The following GPC5 variants were observed in gnomAD, a reference collection of about 807,000 sequenced individuals.
GPC5 encodes glypican-5.
Under a neutral mutation model 53.9 loss-of-function variants are expected in GPC5, and 47 were observed. The observed-to-expected ratio is 0.87, with a 90% CI of 0.69 to 1.11. GPC5 has a LOEUF of 1.11. Among genes scored for constraint, GPC5 ranks in the 50% most tolerant of loss-of-function variants. The pLI is 0.00. For synonymous variants in GPC5, 286 were observed against 263.3 expected (o/e 1.09, Z -0.84); for missense variants, 748 against 713.1 (o/e 1.05, Z -0.56).
chr13:92,523,904 G>A (rs1282205453), intron 7 of GPC5, among the ~76,000 whole-genome samples: 2 of 152,014 alleles, frequency 1.3e-5, no homozygotes, highest in Admixed American at 6.6e-5. Flanking sequence ...CTAATAAAAT[G>A]TGTATGTATC....
intron 7 of GPC5, among the ~76,000 whole-genome samples, chr13:92,204,366 C>T (rs2042317157): frequency 6.6e-6 from 1 of 152,124 alleles, no homozygotes; most frequent in East Asian, 1.9e-4. Context: ...CTTTCTAAGA[C>T]CCTTGCAATG....
intron 5 of GPC5, among the ~76,000 whole-genome samples, chr13:91,795,083 T>C (rs1480647000): frequency 2.0e-5 from 3 of 152,314 alleles, no homozygotes; most frequent in Admixed American, 6.5e-5. Flanking sequence ...TCTGCTAAGA[T>C]TAAATTAAAA....
At chr13:91,473,208 C>T (rs1302099453) in intron 2 of GPC5, among the ~76,000 whole-genome samples, 2 of 152,108 alleles carry the variant, frequency 1.3e-5, no homozygotes, top group Non-Finnish European at 2.9e-5. Context: ...GATCCTATCA[C>T]ATCCCTCCCT....
intron 7 of GPC5, among the ~76,000 whole-genome samples, chr13:92,517,700 C>A (rs1235714159): frequency 6.6e-6 from 1 of 152,062 alleles, no homozygotes; most frequent in East Asian, 1.9e-4. Context: ...CATCAAAGAC[C>A]AAAGGTAGAT....
At chr13:91,887,321 G>T (rs960934925) in intron 5 of GPC5, among the ~76,000 whole-genome samples, 2 of 152,138 alleles carry the variant, frequency 1.3e-5, no homozygotes, top group African/African-American at 4.8e-5. Context: ...ACACAGCAGG[G>T]GCACCTGCAC....
intron 6 of GPC5, among the ~76,000 whole-genome samples, chr13:91,961,614 T>C (rs72633752): frequency 0.027 from 4,178 of 152,136 alleles, 145 homozygotes; most frequent in African/African-American, 0.083. Flanking sequence ...TTATTCATAA[T>C]AACACAGCAG....
At chr13:91,568,254 G>A (rs537941617) in intron 2 of GPC5, among the ~76,000 whole-genome samples, 12 of 152,228 alleles carry the variant, frequency 7.9e-5, no homozygotes, top group African/African-American at 2.9e-4. Context: ...TCTATGACTG[G>A]CAGCATTGTC....
intron 2 of GPC5, among the ~76,000 whole-genome samples, chr13:91,529,687 C>T (rs1476463965): frequency 6.6e-6 from 1 of 152,108 alleles, no homozygotes; most frequent in African/African-American, 2.4e-5. Context: ...GTAGTTTTCC[C>T]TTATGTTAAA....
intron 7 of GPC5, among the ~76,000 whole-genome samples, chr13:92,223,042 T>A (rs1211851573): frequency 6.6e-6 from 1 of 152,176 alleles, no homozygotes; most frequent in Non-Finnish European, 1.5e-5. Context: ...GAATATAATT[T>A]TATTTCATCC....
chr13:92,395,281 C>T lies in GPC5; in HGVS notation c.1561+250292C>T, dbSNP rs561712689. On this transcript the variant is annotated intron_variant, in intron 7 of 7. Coordinates refer to ENST00000377067, the MANE Select transcript of GPC5 (RefSeq NM_004466.6). ...TTATAAATTTTTAAAATTATTTTTA[C>T]GGTTGTCCTAGACTTTCCGATATAA... Among the ~76,000 whole-genome samples the T allele has an allele frequency of 5.0e-4, 76 of 152,142 alleles. 1 individual carries two copies. Among genetic ancestry groups the T allele is most frequent in the Admixed American group, 1.0e-3 (16 of 15,280 alleles).
At chr13:91,401,929 G>A (rs1017800320) in intron 1 of GPC5, among the ~76,000 whole-genome samples, 1 of 148,482 alleles carries the variant, frequency 6.7e-6, no homozygotes, top group Non-Finnish European at 1.5e-5. Flanking sequence ...CCTGTGTTCC[G>A]ATTTTATTTT....
At chr13:92,738,821 C>T (rs983452948) in intron 7 of GPC5, among the ~76,000 whole-genome samples, 3 of 152,180 alleles carry the variant, frequency 2.0e-5, no homozygotes, top group Non-Finnish European at 2.9e-5. Context: ...GGAAGCCATA[C>T]GTTGCATATC....
chr13:91,556,760 G>A (rs2030979297), intron 2 of GPC5, among the ~76,000 whole-genome samples: 1 of 151,974 alleles, frequency 6.6e-6, no homozygotes, highest in Non-Finnish European at 1.5e-5. Flanking sequence ...ATAAGTGGGA[G>A]CTAAGCTATG....
In GPC5 at chr13:91,715,770, G is replaced by GTCTCTCTC. The variant is rs55859912; in HGVS notation, c.1021-12738_1021-12731dup. On this transcript the variant is annotated intron_variant, in intron 3 of 7. Transcript: ENST00000377067. ...TTGTTTTTTTTTTTTTTAAGATAGGGTCTCTCTCTCTCTCTCTCTCTCTCT... is the reference window on the plus strand; with the variant it reads ...TTGTTTTTTTTTTTTTTAAGATAGGGTCTCTCTCTCTCTCTCTCTCTCTCTCTCTCTCT... Among the ~76,000 whole-genome samples, 581 of 132,826 alleles carry GTCTCTCTC rather than the reference G, an allele frequency of 4.4e-3. 6 individuals are homozygous for GTCTCTCTC. Among genetic ancestry groups the GTCTCTCTC allele is most frequent in the African/African-American group, 0.015 (522 of 35,330 alleles). 87.1% of individuals were successfully genotyped at this position (132,826 alleles called of 152,430 possible).
chr13:92,183,586 A>C (rs552160075), intron 7 of GPC5, among the ~76,000 whole-genome samples: 39 of 152,246 alleles, frequency 2.6e-4, no homozygotes, highest in South Asian at 1.5e-3. Context: ...CTTATATATA[A>C]ATTTTAAGAT....
intron 2 of GPC5, among the ~76,000 whole-genome samples, chr13:91,516,276 G>A (rs1419461844): frequency 3.3e-5 from 5 of 152,120 alleles, no homozygotes; most frequent in Non-Finnish European, 7.3e-5. Context: ...AAAATCAAAA[G>A]CAAACTAGCT....
intron 2 of GPC5, among the ~76,000 whole-genome samples, chr13:91,529,443 T>C (rs1886236657): frequency 6.6e-6 from 1 of 152,212 alleles, no homozygotes; most frequent in Admixed American, 6.5e-5. Flanking sequence ...TTCAGCTGTC[T>C]TAGTTTCCAG....
At chr13:91,581,780 TTC>T (rs1194525858) in intron 2 of GPC5, among the ~76,000 whole-genome samples, 1 of 151,900 alleles carries the variant, frequency 6.6e-6, no homozygotes, top group East Asian at 1.9e-4. Flanking sequence ...ATTTTAAAAT[TTC>T]TCTCTGTCTC....
chr13:91,424,132 C>A (rs545529271), intron 1 of GPC5, among the ~76,000 whole-genome samples: 1 of 152,168 alleles, frequency 6.6e-6, no homozygotes, highest in African/African-American at 2.4e-5. Flanking sequence ...TGGAGGTAAT[C>A]AGGAAGTGGA....
Sources: gnomAD v4.1 joint callset for allele counts (sites outside exome capture counted in the v4.1 genomes callset) on GRCh38, gnomAD v4.1.1 for gene constraint, MANE v1.5 for transcripts, NCBI Gene and HGNC (gene_info 2026-07-23, HGNC 2026-07-21) for gene names.